SLC24A2: variants seen among roughly 807,000 people sequenced by gnomAD.
SLC24A2 encodes solute carrier family 24 member 2, also known as sodium/potassium/calcium exchanger 2.
In SLC24A2, 36 loss-of-function variants were observed where a neutral mutation model predicts 62.0. The ratio of observed to expected loss-of-function variants is 0.58; its 90% CI spans 0.44 to 0.77. The LOEUF is 0.77. SLC24A2 is among the 30% of genes least tolerant of loss of function. SLC24A2 has a pLI of 0.00. For synonymous variants in SLC24A2, 358 were observed against 294.0 expected (o/e 1.22, Z -2.23); for missense variants, 846 against 817.9 (o/e 1.03, Z -0.42).
At chr9:20,031,803 T>C in the SLC24A2 span, among the ~76,000 whole-genome samples, 6 of 152,168 alleles carry the variant, frequency 3.9e-5, no homozygotes, top group Admixed American at 2.0e-4. Flanking sequence ...AGGACTCAGC[T>C]ACAAGTCACC....
At chr9:20,013,927 G>A in the SLC24A2 span, among the ~76,000 whole-genome samples, 1 of 152,190 alleles carries the variant, frequency 6.6e-6, no homozygotes, top group Non-Finnish European at 1.5e-5. Context: ...GATAAAAGAT[G>A]GCTGGGCACA....
At chr9:19,974,143 C>T in the SLC24A2 span, among the ~76,000 whole-genome samples, 1 of 152,100 alleles carries the variant, frequency 6.6e-6, no homozygotes, top group Non-Finnish European at 1.5e-5. Context: ...TTCTACTTTA[C>T]TTATAGGTGC....
the SLC24A2 span, among the ~76,000 whole-genome samples, chr9:20,151,973 AATTGTATGTTTTTC>A: frequency 4.6e-5 from 7 of 151,826 alleles, no homozygotes; most frequent in Non-Finnish European, 1.0e-4. Flanking sequence ...TATTAGTGAA[AATTGTATGTTTTTC>A]CTTCATCAAA....
At chr9:20,122,057 T>G in the SLC24A2 span, among the ~76,000 whole-genome samples, 1 of 152,212 alleles carries the variant, frequency 6.6e-6, no homozygotes, top group Non-Finnish European at 1.5e-5. Flanking sequence ...TTCACTGAGA[T>G]GAGCTGGGGG....
the SLC24A2 span, among the ~76,000 whole-genome samples, chr9:19,873,534 T>C: frequency 8.2e-6 from 1 of 121,608 alleles, no homozygotes; most frequent in Non-Finnish European, 2.0e-5. Context: ...CTTCCTTTCT[T>C]TCTCTTTCTT....
the SLC24A2 span, among the ~76,000 whole-genome samples, chr9:20,078,522 T>G: frequency 6.6e-6 from 1 of 152,034 alleles, no homozygotes; most frequent in Admixed American, 6.6e-5. Flanking sequence ...CTTCCACCCT[T>G]CCACAAACCA....
intron 7 of SLC24A2, among the ~76,000 whole-genome samples, chr9:19,557,207 T>A (rs1379890559): frequency 6.6e-6 from 1 of 152,170 alleles, no homozygotes; most frequent in African/African-American, 2.4e-5. Flanking sequence ...GGGCTTTACA[T>A]CCAGTTATAC....
the SLC24A2 span, among the ~76,000 whole-genome samples, chr9:20,274,649 A>G: frequency 1.3e-5 from 2 of 152,194 alleles, no homozygotes; most frequent in African/African-American, 4.8e-5. Context: ...TGAAGGGAAC[A>G]CTGCAGCTCT....
At chr9:19,870,715 G>A in the SLC24A2 span, among the ~76,000 whole-genome samples, 1 of 152,082 alleles carries the variant, frequency 6.6e-6, no homozygotes, top group East Asian at 1.9e-4. Flanking sequence ...TAGGTATAAA[G>A]TTGTGTCTTG....
chr9:19,704,279 A>T (rs1473649382), intron 2 of SLC24A2, among the ~76,000 whole-genome samples: 1 of 152,260 alleles, frequency 6.6e-6, no homozygotes, highest in African/African-American at 2.4e-5. Context: ...ACATGGAAAG[A>T]TATTTGCAAT....
chr9:19,711,087 T>G (rs983922822), intron 2 of SLC24A2, among the ~76,000 whole-genome samples: 1 of 152,246 alleles, frequency 6.6e-6, no homozygotes, highest in African/African-American at 2.4e-5. Context: ...GCTTAGCAGT[T>G]CTGTAAGTAA....
chr9:19,604,835 T>A (rs1317864787), intron 4 of SLC24A2, among the ~76,000 whole-genome samples: 1 of 152,208 alleles, frequency 6.6e-6, no homozygotes, highest in African/African-American at 2.4e-5. Flanking sequence ...CACTACAGTA[T>A]TGTCTGGCAT....
At chr9:19,833,695 A>G in the SLC24A2 span, among the ~76,000 whole-genome samples, 2 of 152,352 alleles carry the variant, frequency 1.3e-5, no homozygotes, top group Non-Finnish European at 2.9e-5. Context: ...CTGCAGACTT[A>G]AATGTCCCTG....
chr9:19,695,846 T>G (rs542488412), intron 2 of SLC24A2, among the ~76,000 whole-genome samples: 1 of 152,226 alleles, frequency 6.6e-6, no homozygotes, highest in Non-Finnish European at 1.5e-5. Context: ...AAATATAATA[T>G]TGACTTAAGG....
At chr9:19,645,899 C>G (rs773944585) in intron 2 of SLC24A2, among the ~76,000 whole-genome samples, 1 of 152,192 alleles carries the variant, frequency 6.6e-6, no homozygotes, top group African/African-American at 2.4e-5. Context: ...TTGAAATGCA[C>G]AGGGCACTGG....
chr9:20,047,546 A>C, the SLC24A2 span, among the ~76,000 whole-genome samples: 3 of 146,358 alleles, frequency 2.0e-5, no homozygotes, highest in Non-Finnish European at 4.6e-5. Flanking sequence ...TGAAGGCTGG[A>C]AAGTCCAAGA....
the SLC24A2 span, among the ~76,000 whole-genome samples, chr9:20,218,517 C>T: frequency 6.6e-6 from 1 of 152,092 alleles, no homozygotes; most frequent in Non-Finnish European, 1.5e-5. Context: ...AGTCTCTACT[C>T]TATATCTAGA....
chr9:19,605,312 C>T (rs1253127044), intron 4 of SLC24A2, among the ~76,000 whole-genome samples: 1 of 152,158 alleles, frequency 6.6e-6, no homozygotes, highest in South Asian at 2.1e-4. Flanking sequence ...CTGCTGAACA[C>T]CTATGGACCC....
chr9:20,267,446 C>T, the SLC24A2 span, among the ~76,000 whole-genome samples: 9,284 of 152,134 alleles, frequency 0.061, 537 homozygotes, highest in African/African-American at 0.16. Context: ...CCAGGACCCC[C>T]GAGTGCCGCC....
Sources: gnomAD v4.1 joint callset for allele counts (sites outside exome capture counted in the v4.1 genomes callset) on GRCh38, gnomAD v4.1.1 for gene constraint, MANE v1.5 for transcripts, NCBI Gene and HGNC (gene_info 2026-07-23, HGNC 2026-07-21) for gene names.